Variants in MRPL44 observed in about 807,000 individuals in gnomAD.
The protein encoded by MRPL44 is large ribosomal subunit protein mL44.
A neutral mutation model predicts 25.9 loss-of-function variants in MRPL44; 21 were observed. The observed-to-expected ratio is 0.81, with a 90% CI of 0.58 to 1.17. The LOEUF (loss-of-function observed/expected upper bound fraction) is 1.17, where lower values mean the gene tolerates loss of function less well. Among genes scored for constraint, MRPL44 ranks in the 50% most tolerant of loss-of-function variants. The pLI is 0.00. For missense variants in MRPL44, 410 were observed against 398.9 expected (o/e 1.03, Z -0.24); for synonymous variants, 169 against 151.0 (o/e 1.12, Z -0.87).
intron 2 of MRPL44, among the ~76,000 whole-genome samples, chr2:223,962,602 T>A (rs550535620): frequency 6.6e-5 from 10 of 152,364 alleles, no homozygotes; most frequent in African/African-American, 2.4e-4. Flanking sequence ...CTGCTTTGAA[T>A]GTTCATAATT....
chr2:223,954,147 C>A (rs988718294), upstream of MRPL44, among the ~76,000 whole-genome samples: 1 of 152,108 alleles, frequency 6.6e-6, no homozygotes, highest in Non-Finnish European at 1.5e-5. Context: ...CTTTTTGGAG[C>A]GGAATTTACT....
the MRPL44 span, among the ~76,000 whole-genome samples, chr2:223,952,433 T>C: frequency 2.0e-5 from 3 of 152,172 alleles, no homozygotes; most frequent in Non-Finnish European, 2.9e-5. Context: ...CTGTCCCTAA[T>C]CTCTTAGGCC....
chr2:223,958,582 A>T (rs1426039973), intron 1 of MRPL44, among the ~76,000 whole-genome samples: 1 of 152,252 alleles, frequency 6.6e-6, no homozygotes, highest in Non-Finnish European at 1.5e-5. Flanking sequence ...TGTATATGTT[A>T]TATGTATATC....
chr2:223,953,023 A>C (rs1046565886), upstream of MRPL44, among the ~76,000 whole-genome samples: 1 of 152,210 alleles, frequency 6.6e-6, no homozygotes, highest in African/African-American at 2.4e-5. Flanking sequence ...TTATAAGGCA[A>C]TATTTCAGTA....
chr2:223,965,677 T>C (rs1689728787), intron 3 of MRPL44: 1 of 152,192 alleles, frequency 6.6e-6, no homozygotes, highest in Non-Finnish European at 1.5e-5. Flanking sequence ...GGTTATGATA[T>C]AGAAATACCA....
At chr2:223,956,962 A>T (rs1021303352), upstream of MRPL44, among the ~76,000 whole-genome samples, 2 of 152,218 alleles carry the variant, frequency 1.3e-5, no homozygotes, top group East Asian at 3.8e-4. Flanking sequence ...ATAAGCCAAC[A>T]TTTCTGAGTC....
intron 3 of MRPL44, among the ~76,000 whole-genome samples, 154 bp downstream of exon 3, chr2:223,964,088 T>C (rs1438807982): frequency 6.6e-6 from 1 of 152,252 alleles, no homozygotes; most frequent in Non-Finnish European, 1.5e-5. Flanking sequence ...ATGAAAAGAT[T>C]TTTTAAAAAT....
intron 3 of MRPL44, among the ~76,000 whole-genome samples, chr2:223,966,204 A>G (rs10187135): frequency 6.6e-6 from 1 of 150,826 alleles, no homozygotes; most frequent in Non-Finnish European, 1.5e-5. Context: ...CCACTGCACT[A>G]CAGCCTGGGC....
chr2:223,957,728 C>T, intron 1 of MRPL44, 77 bp downstream of exon 1: 1 of 1,448,072 alleles, frequency 6.9e-7, no homozygotes. Flanking sequence ...GTCGTGTCTG[C>T]GGCTGATGCG....
upstream of MRPL44, among the ~76,000 whole-genome samples, chr2:223,957,012 T>C (rs1414606472): frequency 1.3e-5 from 2 of 152,134 alleles, no homozygotes; most frequent in Admixed American, 6.5e-5. Flanking sequence ...GCGTGCTGGG[T>C]CAAAAATAGA....
intron 2 of MRPL44, among the ~76,000 whole-genome samples, chr2:223,960,333 T>C (rs1485258472): frequency 6.6e-6 from 1 of 152,232 alleles, no homozygotes; most frequent in African/African-American, 2.4e-5. Flanking sequence ...AAGGACACTA[T>C]GCAGAGGCCT....
chr2:223,966,816 T>C, intron 3 of MRPL44, 47 bp from the exon 4 acceptor site: 2 of 1,568,602 alleles, frequency 1.3e-6, no homozygotes, highest in South Asian at 2.3e-5. Context: ...GTGTACTGTC[T>C]TACAATATTC....
Position 223,959,790 on chromosome 2 carries a change from C to G in MRPL44, c.436C>G (p.Pro146Ala). The G allele has an allele frequency of 6.2e-7, 1 of 1,614,168 alleles. No individual in the cohort carries two copies. Among genetic ancestry groups the G allele is most frequent in the Non-Finnish European group, 8.5e-7 (1 of 1,180,038 alleles). ...CLTQFLEDEY[P>A]DMPTEGIKNL... ...TACACAGTTTCTTGAAGACGAGTAC[C>G]CAGACATGCCCACTGAAGGCATAAA... Residue 146 changes from proline (P) to alanine (A), a missense_variant, in exon 2 of 4, where the codon CCA becomes GCA. Transcript: ENST00000258383.
At chr2:223,960,033 A>T (rs761720789) in intron 2 of MRPL44, 31 bp downstream of exon 2, 2 of 1,493,594 alleles carry the variant, frequency 1.3e-6, no homozygotes, top group Non-Finnish European at 9.1e-7. Flanking sequence ...CATGCTTGAG[A>T]TAGACAGAAG....
At chr2:223,960,456 T>C (rs139805457) in intron 2 of MRPL44, among the ~76,000 whole-genome samples, 184 of 152,354 alleles carry the variant, frequency 1.2e-3, no homozygotes, top group African/African-American at 4.0e-3. Context: ...CAGATTCTTA[T>C]GTAATTGGTA....
intron 2 of MRPL44, among the ~76,000 whole-genome samples, chr2:223,961,576 A>C (rs921908655): frequency 1.3e-5 from 2 of 152,210 alleles, no homozygotes; most frequent in Non-Finnish European, 2.9e-5. Flanking sequence ...ATATCTCTGC[A>C]TCTGGAAATT....
Position 223,967,061 on chromosome 2 carries a change from T to C in MRPL44, c.*27T>C. ...CGCCATGGATGCAGCAGCCTGAAAC[T>C]TGAGAGCGAAAGTGAGATAAATGTC... On this transcript the variant is annotated 3_prime_UTR_variant, in exon 4 of 4. Transcript: ENST00000258383. The C allele has an allele frequency of 6.4e-7, 1 of 1,565,410 alleles. No individual in the cohort carries two copies.
At chr2:223,957,915 C>T (rs1689597606) in intron 1 of MRPL44, among the ~76,000 whole-genome samples, 1 of 152,200 alleles carries the variant, frequency 6.6e-6, no homozygotes, top group Admixed American at 6.5e-5. Flanking sequence ...ATGGGGCTAA[C>T]TGGAGGGTCT....
At position 223,959,727 on chromosome 2, in the gene MRPL44, C is replaced by G; in HGVS notation, c.373C>G (p.Leu125Val). 1 of 1,614,236 alleles carries G rather than the reference C, an allele frequency of 6.2e-7. No homozygotes were observed. Among genetic ancestry groups the G allele is most frequent in the Non-Finnish European group, 8.5e-7 (1 of 1,180,042 alleles). The change falls in exon 2 of 4, where the codon CTA becomes GTA. Residue 125 changes from leucine to valine, a missense_variant. By Grantham distance (32) the Leu-to-Val change is conservative. Transcript: ENST00000258383. ...VLLNLKSNQE[L>V]SEQGTSFSQT... ...TCTGAATCTTAAAAGTAATCAAGAA[C>G]TATCCGAACAAGGGACATCTTTTTC...
Sources: allele counts gnomAD v4.1 joint callset (sites outside exome capture counted in the v4.1 genomes callset), GRCh38; gene constraint gnomAD v4.1.1; transcripts MANE v1.5; gene names NCBI Gene and HGNC (gene_info 2026-07-23, HGNC 2026-07-21).